Variants in KCNH7 observed in about 807,000 individuals in gnomAD.
KCNH7 encodes the protein voltage-gated inwardly rectifying potassium channel KCNH7.
Under a neutral mutation model 120.8 loss-of-function variants are expected in KCNH7, and 49 were observed. The observed-to-expected ratio is 0.41, with a 90% confidence interval of 0.32 to 0.51. KCNH7 has a LOEUF of 0.51. Ranked by LOEUF, KCNH7 falls within the 20% of genes least tolerant of loss-of-function variation. The pLI, the probability that KCNH7 is intolerant of heterozygous loss-of-function variation, is 0.38. For synonymous variants in KCNH7, 547 were observed against 516.1 expected (o/e 1.06, Z -0.81); for missense variants, 1,097 against 1,446.6 (o/e 0.76, Z 3.92).
chr2:162,579,502 A>G (rs1246094170), intron 2 of KCNH7, among the ~76,000 whole-genome samples: 2 of 152,020 alleles, frequency 1.3e-5, no homozygotes, highest in African/African-American at 4.8e-5. Flanking sequence ...AGTTTCAGTG[A>G]GTAGGTTGGA....
At chr2:162,534,546 AC>A (rs1692041636) in intron 3 of KCNH7, among the ~76,000 whole-genome samples, 1 of 151,688 alleles carries the variant, frequency 6.6e-6, no homozygotes, top group Non-Finnish European at 1.5e-5. Flanking sequence ...CAAAACTGAA[AC>A]TAGTTAAGAT....
intron 9 of KCNH7, among the ~76,000 whole-genome samples, chr2:162,413,138 GT>G (rs991155964): frequency 2.0e-5 from 3 of 150,628 alleles, no homozygotes; most frequent in African/African-American, 7.3e-5. Flanking sequence ...CATTTTTTTT[GT>G]TTTTTTTAAG....
chr2:162,658,513 T>C (rs1684848672), intron 2 of KCNH7, among the ~76,000 whole-genome samples: 1 of 152,172 alleles, frequency 6.6e-6, no homozygotes, highest in Admixed American at 6.5e-5. Context: ...AATTAGTTTG[T>C]TGATATTTAT....
chr2:162,553,530 T>A (rs576468075), intron 2 of KCNH7, among the ~76,000 whole-genome samples: 93 of 152,176 alleles, frequency 6.1e-4, no homozygotes, highest in African/African-American at 2.0e-3. Flanking sequence ...GCGCCTGTAG[T>A]CCCAGCTACT....
intron 2 of KCNH7, among the ~76,000 whole-genome samples, chr2:162,708,814 A>C (rs1686812759): frequency 6.6e-6 from 1 of 152,094 alleles, no homozygotes; most frequent in Admixed American, 6.6e-5. Context: ...TGTAGATGTC[A>C]TAGAGACGGG....
At chr2:162,649,930 A>G (rs895608765) in intron 2 of KCNH7, among the ~76,000 whole-genome samples, 1 of 152,328 alleles carries the variant, frequency 6.6e-6, no homozygotes, top group South Asian at 2.1e-4. Context: ...CAGTTAATAT[A>G]TTCCTAATAT....
chr2:162,470,391 C>T (rs528762004), intron 6 of KCNH7, among the ~76,000 whole-genome samples: 4 of 151,342 alleles, frequency 2.6e-5, no homozygotes, highest in East Asian at 2.0e-4. Flanking sequence ...CGTCTCTGCC[C>T]GGCCGCCCCG....
intron 9 of KCNH7, among the ~76,000 whole-genome samples, chr2:162,417,294 T>C (rs1270265736): frequency 6.6e-6 from 1 of 152,212 alleles, no homozygotes; most frequent in African/African-American, 2.4e-5. Context: ...GAATCTGTTA[T>C]AACTGAACTT....
chr2:162,456,894 T>A (rs1688981537), intron 6 of KCNH7, among the ~76,000 whole-genome samples: 1 of 152,104 alleles, frequency 6.6e-6, no homozygotes, highest in African/African-American at 2.4e-5. Flanking sequence ...TTTCCTTTTT[T>A]AATAAGACAA....
At chr2:162,804,746 C>T (rs545882234) in intron 2 of KCNH7, among the ~76,000 whole-genome samples, 1 of 141,158 alleles carries the variant, frequency 7.1e-6, no homozygotes, top group African/African-American at 2.5e-5. Flanking sequence ...AGAAGAAAAG[C>T]CTTAAAATTC....
At chr2:162,780,314 T>C (rs565401391) in intron 2 of KCNH7, among the ~76,000 whole-genome samples, 106 of 152,310 alleles carry the variant, frequency 7.0e-4, no homozygotes, top group African/African-American at 2.3e-3. Flanking sequence ...GTATATCTCA[T>C]TCTTTTTTAA....
chr2:162,655,240 TATA>T (rs1179861475), intron 2 of KCNH7, among the ~76,000 whole-genome samples: 1 of 151,958 alleles, frequency 6.6e-6, no homozygotes, highest in Non-Finnish European at 1.5e-5. Context: ...AATGAATTTA[TATA>T]ATTTTATACA....
intron 6 of KCNH7, among the ~76,000 whole-genome samples, chr2:162,484,220 A>AACAC (rs71960380): frequency 0.047 from 6,833 of 146,786 alleles, 185 homozygotes; most frequent in Middle Eastern, 0.063. Context: ...TGAGTCTTTC[A>AACAC]ACACACACAC....
At chr2:162,757,603 A>G (rs1688830201) in intron 2 of KCNH7, among the ~76,000 whole-genome samples, 1 of 152,168 alleles carries the variant, frequency 6.6e-6, no homozygotes, top group South Asian at 2.1e-4. Context: ...CTCAGTTACC[A>G]AGATTTCTAG....
intron 2 of KCNH7, among the ~76,000 whole-genome samples, chr2:162,590,766 G>C (rs1564955): frequency 0.51 from 77,946 of 151,838 alleles, 20,225 homozygotes; most frequent in Middle Eastern, 0.62. Flanking sequence ...TCTGTAGCCT[G>C]GGTGACTGTA....
intron 2 of KCNH7, among the ~76,000 whole-genome samples, chr2:162,757,931 C>T (rs1307321469): frequency 2.0e-5 from 3 of 152,084 alleles, no homozygotes; most frequent in African/African-American, 7.2e-5. Flanking sequence ...ATTCCTTATT[C>T]TCAATAAGCT....
At chr2:162,753,828 C>A (rs757161173) in intron 2 of KCNH7, among the ~76,000 whole-genome samples, 1 of 151,974 alleles carries the variant, frequency 6.6e-6, no homozygotes, top group Non-Finnish European at 1.5e-5. Context: ...TTTTTGCTTT[C>A]TCTTTCTCTT....
intron 2 of KCNH7, among the ~76,000 whole-genome samples, chr2:162,642,320 T>C (rs1684187559): frequency 6.6e-6 from 1 of 152,226 alleles, no homozygotes; most frequent in African/African-American, 2.4e-5. Context: ...TCTTGCCATT[T>C]AATATTTATT....
At chr2:162,820,658 C>G (rs908057109) in intron 2 of KCNH7, among the ~76,000 whole-genome samples, 1 of 152,110 alleles carries the variant, frequency 6.6e-6, no homozygotes, top group African/African-American at 2.4e-5. Flanking sequence ...TGTAACTCTG[C>G]AAAAGCTAAA....
Sources: gnomAD v4.1 joint callset for allele counts (sites outside exome capture counted in the v4.1 genomes callset) on GRCh38, gnomAD v4.1.1 for gene constraint, MANE v1.5 for transcripts, NCBI Gene and HGNC (gene_info 2026-07-23, HGNC 2026-07-21) for gene names.